The following PHKA1 variants were observed in gnomAD, a reference collection of about 807,000 sequenced individuals.
The protein encoded by PHKA1 is phosphorylase kinase regulatory subunit alpha 1.
In PHKA1, 60 loss-of-function variants were observed where a neutral mutation model predicts 110.2. The ratio of observed to expected loss-of-function variants is 0.54; its 90% CI spans 0.44 to 0.68. The LOEUF is 0.68. Ranked by LOEUF, PHKA1 falls within the 30% of genes least tolerant of loss-of-function variation. The pLI is 0.00. For synonymous variants in PHKA1, 316 were observed against 333.6 expected (o/e 0.95, Z 0.58); for missense variants, 801 against 942.5 (o/e 0.85, Z 1.97).
At chrX:72,704,445 T>C (rs1476106321) in intron 3 of PHKA1, among the ~76,000 whole-genome samples, 1 of 111,512 alleles carries the variant, frequency 9.0e-6, no homozygotes, top group African/African-American at 3.3e-5. Flanking sequence ...ATATGGTGTA[T>C]ATATACCATA....
chrX:72,711,977 T>G (rs1379762706), intron 2 of PHKA1: 3 of 111,496 alleles, frequency 2.7e-5, no homozygotes, highest in Non-Finnish European at 5.6e-5. Context: ...GAGCTCAGAT[T>G]GCCTAAGTCT....
At chrX:72,629,902 G>C (rs985833907) in intron 16 of PHKA1, among the ~76,000 whole-genome samples, 1 of 111,751 alleles carries the variant, frequency 8.9e-6, no homozygotes, top group African/African-American at 3.3e-5. Flanking sequence ...TTAAAGTGAT[G>C]TATAGAATCT....
In PHKA1 at chrX:72,628,071, C is replaced by T. The variant is rs376044811; in HGVS notation, c.1715-1022G>A. On this transcript the variant is annotated intron_variant, in intron 16 of 31. Transcript: ENST00000373542. ...GTCTCAATCTCCTGATTTCGTGATC[C>T]ACCTGCCTCGGCCTCCCACAGTGCT... 3.0e-4 allele frequency among the ~76,000 whole-genome samples: 33 copies of T among 110,339 alleles called. No individual in the cohort carries two copies. In the East Asian group the frequency reaches 9.1e-3, roughly 30 times the overall value.
chrX:72,624,625 A>G (rs943676180), intron 17 of PHKA1, among the ~76,000 whole-genome samples: 1 of 111,238 alleles, frequency 9.0e-6, no homozygotes, highest in South Asian at 3.8e-4. Context: ...CTCTCTCCAC[A>G]TGCTCCCTGA....
chrX:72,625,472 TG>T (rs2053047120), intron 17 of PHKA1, among the ~76,000 whole-genome samples: 1 of 111,800 alleles, frequency 8.9e-6, no homozygotes. Flanking sequence ...TAGTATTCCA[TG>T]GTGCATTATA....
intron 28 of PHKA1, among the ~76,000 whole-genome samples, chrX:72,597,359 C>T (rs1300172152): frequency 9.0e-6 from 1 of 111,715 alleles, no homozygotes; most frequent in Non-Finnish European, 1.9e-5. Context: ...AGGCTGTTTA[C>T]GTGACCAGCC....
chrX:72,709,789 C>G (rs2054339947), intron 2 of PHKA1, among the ~76,000 whole-genome samples: 1 of 109,975 alleles, frequency 9.1e-6, no homozygotes, highest in Non-Finnish European at 1.9e-5. Context: ...ACCTGTAATC[C>G]CAGCACTTTG....
chrX:72,632,060 T>C (rs1436599248), intron 16 of PHKA1, among the ~76,000 whole-genome samples: 2 of 112,130 alleles, frequency 1.8e-5, no homozygotes, highest in African/African-American at 6.5e-5. Context: ...TCTGTGTTAA[T>C]TAGTTTTATG....
In PHKA1 at chrX:72,615,805, C is replaced by T. The variant is rs185483109; in HGVS notation, c.2369+2905G>A. On this transcript the variant is annotated intron_variant, in intron 21 of 31. Coordinates refer to ENST00000373542, the MANE Select transcript of PHKA1 (RefSeq NM_002637.4). ...AGGAAGGAAGGAAGGATTGATTCTA[C>T]AAAACAACTGGAAAACAATTAATTA... Among the ~76,000 whole-genome samples, 801 of 104,615 alleles carry T rather than the reference C, an allele frequency of 7.7e-3. 15 individuals carry two copies. Among genetic ancestry groups the T allele is most frequent in the African/African-American group, 0.027 (761 of 27,893 alleles). The allele number at this position is 104,615 out of a possible 115,157, so 90.8% of individuals were successfully genotyped here.
chrX:72,611,064 A>G lies in PHKA1; in HGVS notation c.2490T>C (p.Ser830=). Residue 830 remains serine, a synonymous_variant, in exon 22 of 32, where the codon TCT becomes TCC. Transcript: ENST00000373542. ...IRHWGLIRYI[S]GILRKKVEAL... Reference sequence around the variant, plus strand: ...CTTCCACTTTCTTCCTTAAGATCCCAGAAATGTATCGGATCAGGCCCCAGT... The same window carrying G: ...CTTCCACTTTCTTCCTTAAGATCCCGGAAATGTATCGGATCAGGCCCCAGT... 8.3e-7 allele frequency: 1 copy of G among 1,208,908 alleles called. No homozygotes were observed. The highest frequency in any genetic ancestry group is 1.1e-6 in the Non-Finnish European group (1 of 893,155).
intron 5 of PHKA1, among the ~76,000 whole-genome samples, chrX:72,680,967 T>C (rs1224329811): frequency 2.0e-4 from 9 of 44,092 alleles, no homozygotes; most frequent in Admixed American, 2.8e-4. Context: ...AAGTGAGGAG[T>C]GTCTCTGCCT....
rs781946925 is a variant in PHKA1, at chrX:72,581,035, C to G, written c.3639G>C (p.Glu1213Asp). The G allele has an allele frequency of 3.3e-6, 4 of 1,209,496 alleles. No homozygotes were observed. The highest frequency in any genetic ancestry group is 4.5e-6 in the Non-Finnish European group (4 of 894,779). ...TGGCACAGATGCTGTGGGGCAGGAA[C>G]TCCTGCACGTAGGTGGCGGCTGCCT... The part of the protein sequence containing the change: ...LSKAAATYVQ[E>D]FLPHSICAMQ The change falls in exon 32 of 32, where the codon GAG becomes GAC. Residue 1213 changes from glutamate to aspartate, a missense_variant. Glu to Asp is a conservative substitution (Grantham distance 45). This residue lies in a region of PHKA1 where 502 missense variants were observed against 519.2 expected (regional missense o/e 0.97). Transcript: ENST00000373542.
intron 29 of PHKA1, among the ~76,000 whole-genome samples, chrX:72,589,779 T>G (rs1556221506): frequency 9.7e-6 from 1 of 103,538 alleles, no homozygotes; most frequent in Non-Finnish European, 1.9e-5. Flanking sequence ...TCCTATATAC[T>G]AATAATAAAC....
At chrX:72,589,234 C>T (rs1257175401) in intron 29 of PHKA1, among the ~76,000 whole-genome samples, 4 of 111,811 alleles carry the variant, frequency 3.6e-5, no homozygotes, top group African/African-American at 9.8e-5. Context: ...CAACCATGAT[C>T]GAGTCGGCTT....
At chrX:72,603,871 A>G (rs2052691534) in intron 25 of PHKA1, among the ~76,000 whole-genome samples, 1 of 111,262 alleles carries the variant, frequency 9.0e-6, no homozygotes, top group African/African-American at 3.3e-5. Flanking sequence ...AGAGGTATAG[A>G]CAATAATTGC....
intron 4 of PHKA1, among the ~76,000 whole-genome samples, chrX:72,687,752 C>T (rs1282156990): frequency 1.8e-5 from 2 of 110,884 alleles, no homozygotes; most frequent in Non-Finnish European, 3.8e-5. Flanking sequence ...GTCCGTTGCA[C>T]ATCATATGTG....
At chrX:72,675,194 T>A (rs987765421) in intron 6 of PHKA1, among the ~76,000 whole-genome samples, 44 of 103,109 alleles carry the variant, frequency 4.3e-4, no homozygotes, top group African/African-American at 1.4e-3. Flanking sequence ...TCTCAAAAAA[T>A]AATAATAATA....
At chrX:72,593,343 T>TC (rs1459957643) in intron 28 of PHKA1, 69 bp from the exon 29 acceptor site, 2 of 850,282 alleles carry the variant, frequency 2.4e-6, no homozygotes, top group Non-Finnish European at 3.4e-6. Flanking sequence ...TCTTTGAACT[T>TC]TTTTTTTTTT....
intron 10 of PHKA1, among the ~76,000 whole-genome samples, chrX:72,655,709 G>A (rs1243564582): frequency 9.1e-6 from 1 of 110,135 alleles, no homozygotes; most frequent in Non-Finnish European, 1.9e-5. Flanking sequence ...TGCAGGCTCC[G>A]CCTCCCAGGT....
Sources: gnomAD v4.1 joint callset for allele counts (sites outside exome capture counted in the v4.1 genomes callset) on GRCh38, gnomAD v4.1.1 for gene constraint, gnomAD v4.1.1 regional missense constraint, MANE v1.5 for transcripts, NCBI Gene and HGNC (gene_info 2026-07-23, HGNC 2026-07-21) for gene names.